The following LOXL2 variants were observed in gnomAD, a reference collection of about 807,000 sequenced individuals.
LOXL2 encodes the protein lysyl oxidase like 2.
Under a neutral mutation model 93.0 loss-of-function variants are expected in LOXL2, and 70 were observed. The ratio of observed to expected loss-of-function variants is 0.75; its 90% confidence interval spans 0.62 to 0.92. The LOEUF (loss-of-function observed/expected upper bound fraction) is 0.92. Ranked by LOEUF, LOXL2 falls within the 40% of genes least tolerant of loss-of-function variation. The pLI is 0.00. For missense variants in LOXL2, 973 were observed against 1,054.9 expected, an observed-to-expected ratio of 0.92 and a Z score of 1.08; for synonymous variants, 438 against 413.2, an observed-to-expected ratio of 1.06 and a Z score of -0.73.
intron 1 of LOXL2, chr8:23,385,904 C>A (rs550959360): frequency 2.6e-6 from 2 of 764,102 alleles, no homozygotes; most frequent in East Asian, 2.4e-5. Context: ...AAATCCAGCA[C>A]GTACTTTGCG....
chr8:23,333,317 C>A, intron 5 of LOXL2, 84 bp downstream of exon 5: 1 of 1,312,334 alleles, frequency 7.6e-7, no homozygotes, highest in Non-Finnish European at 1.1e-6. Context: ...CTTCCTCACT[C>A]TCCTGGGGGA....
At position 23,398,094 on chromosome 8, in the gene LOXL2, CTG is replaced by C. The variant is rs1800116749; in HGVS notation, c.-84+5858_-84+5859del. On this transcript the variant is annotated intron_variant, in intron 1 of 13. Transcript: ENST00000389131. ...CATGCAGGCACTCTGAAGAGCTATA[CTG>C]TGTTTACCTTGGTACCCCAGTGGTA... Among the ~76,000 whole-genome samples, 3 of 152,100 alleles carry C rather than the reference CTG, an allele frequency of 2.0e-5. No individual in the cohort carries two copies. In the South Asian group the frequency reaches 6.2e-4, roughly 32 times the overall value.
At chr8:23,312,458 AGTG>A (rs1438135197) in intron 9 of LOXL2, among the ~76,000 whole-genome samples, 2 of 134,562 alleles carry the variant, frequency 1.5e-5, no homozygotes, top group African/African-American at 2.9e-5. Flanking sequence ...ACCATGATCA[AGTG>A]GGCTTCATCC....
rs1479186476 is a variant in LOXL2, at chr8:23,368,240, G to C, written c.112C>G (p.Gln38Glu). The C allele has an allele frequency of 6.2e-7, 1 of 1,613,850 alleles. No individual in the cohort carries two copies. The highest frequency in any genetic ancestry group is 8.5e-7 in the Non-Finnish European group (1 of 1,180,036). The change falls in exon 2 of 14, where the codon CAG becomes GAG. Residue 38 changes from glutamine to glutamate, a missense_variant. Gln to Glu is a conservative substitution (Grantham distance 29, BLOSUM62 2). Transcript: ENST00000389131. Reference protein sequence around the residue: ...DSWPHYPEYFQQPAPEYHQPQ... With the variant: ...DSWPHYPEYFEQPAPEYHQPQ... ...TGGTGATACTCAGGAGCCGGTTGCT[G>C]GAAGTACTCGGGGTAATGGGGCCAG...
At chr8:23,299,171 A>G (rs1196404430) in intron 12 of LOXL2, among the ~76,000 whole-genome samples, 3 of 152,224 alleles carry the variant, frequency 2.0e-5, no homozygotes, top group Non-Finnish European at 4.4e-5. Flanking sequence ...CCCTCTGTCC[A>G]TATCCGTGTA....
At chr8:23,345,911 A>G (rs1042656768) in intron 3 of LOXL2, among the ~76,000 whole-genome samples, 1 of 151,668 alleles carries the variant, frequency 6.6e-6, no homozygotes. Context: ...TACTAAAAAT[A>G]CAAAAAATTA....
chr8:23,383,074 C>T (rs560237276), intron 1 of LOXL2, among the ~76,000 whole-genome samples: 2 of 152,202 alleles, frequency 1.3e-5, no homozygotes, highest in South Asian at 2.1e-4. Context: ...TAAACAAACT[C>T]GACCCTATAA....
At chr8:23,338,525 C>T (rs929116925) in intron 4 of LOXL2, among the ~76,000 whole-genome samples, 4 of 152,204 alleles carry the variant, frequency 2.6e-5, no homozygotes, top group African/African-American at 4.8e-5. Flanking sequence ...ACTAACTCCA[C>T]CCCAGACTGG....
Position 23,351,796 on chromosome 8 carries a change from T to C in LOXL2, c.531+8294A>G, listed in dbSNP as rs968355409. 5.3e-5 allele frequency among the ~76,000 whole-genome samples: 8 copies of C among 152,310 alleles called. No individual in the cohort carries two copies. In the East Asian group the frequency reaches 9.7e-4, roughly 18 times the overall value. On this transcript the variant is annotated intron_variant, in intron 3 of 13. Transcript: ENST00000389131. Reference sequence around the variant, plus strand: ...GTAGCTGGCAAGCCCTGGCTACATATAGACTCTTAGTAAATAGAATCGCGG... The same window carrying C: ...GTAGCTGGCAAGCCCTGGCTACATACAGACTCTTAGTAAATAGAATCGCGG...
At chr8:23,390,171 T>C (rs1804819249) in intron 1 of LOXL2, among the ~76,000 whole-genome samples, 1 of 152,194 alleles carries the variant, frequency 6.6e-6, no homozygotes, top group Non-Finnish European at 1.5e-5. Flanking sequence ...TCCTCATTCA[T>C]GGCCCAGAGC....
chr8:23,323,984 G>A (rs1234968220), intron 6 of LOXL2, among the ~76,000 whole-genome samples: 1 of 152,204 alleles, frequency 6.6e-6, no homozygotes, highest in African/African-American at 2.4e-5. Context: ...ACAGATGCAA[G>A]CCACCATGCC....
Position 23,368,385 on chromosome 8 carries a change from C to T in LOXL2, c.-34G>A. 1.3e-6 allele frequency: 2 copies of T among 1,576,562 alleles called. No individual in the cohort carries two copies. Among genetic ancestry groups the T allele is most frequent in the Non-Finnish European group, 1.7e-6 (2 of 1,153,538 alleles). The stretch of plus-strand genomic sequence containing the variant: ...TCGGGCTGATGATCCCACGAAGGGG[C>T]CCTGCGCAGCTGGGAGGGACAGGCG... On this transcript the variant is annotated 5_prime_UTR_variant, in exon 2 of 14. Coordinates refer to ENST00000389131, the MANE Select transcript of LOXL2 (RefSeq NM_002318.3).
rs1339164297 is a variant in LOXL2 at position 23,317,123 on chromosome 8, AC to A, written c.1471-10del. ...TGCCAATACCAGGTCTCCTGGAAGA[AC>A]CAACAAAACAAATGGTGGGTACATC... is the stretch of plus-strand genomic sequence containing the variant. On this transcript the variant is annotated splice_polypyrimidine_tract_variant and intron_variant, in intron 8 of 13. Transcript: ENST00000389131. The A allele has an allele frequency of 5.0e-6, 8 of 1,613,558 alleles. No individual in the cohort carries two copies. The highest frequency in any genetic ancestry group is 6.8e-6 in the Non-Finnish European group (8 of 1,179,834).
At position 23,398,225 on chromosome 8, in the gene LOXL2, T is replaced by A. The variant is rs553971663; in HGVS notation, c.-84+5729A>T. On this transcript the variant is annotated intron_variant, in intron 1 of 13. Coordinates refer to ENST00000389131, the MANE Select transcript of LOXL2 (RefSeq NM_002318.3). ...GTTGTTCACAAGTCATCACCATAAG[T>A]TATCTTGTCGTAAGTGTATGTTTTA... Among the ~76,000 whole-genome samples, 10 of 151,458 alleles carry A rather than the reference T, an allele frequency of 6.6e-5. No homozygotes were observed. The South Asian group carries it at 1.2e-3, about 19-fold the overall frequency.
chr8:23,340,147 C>T (rs1803858129), intron 4 of LOXL2, among the ~76,000 whole-genome samples: 1 of 152,188 alleles, frequency 6.6e-6, no homozygotes, highest in South Asian at 2.1e-4. Flanking sequence ...TGGATCTGCC[C>T]CTTCCTGGTT....
At chr8:23,330,051 T>C (rs1381404534) in intron 5 of LOXL2, among the ~76,000 whole-genome samples, 3 of 151,596 alleles carry the variant, frequency 2.0e-5, no homozygotes, top group Admixed American at 6.6e-5. Flanking sequence ...CAGGGCCAGG[T>C]GCGGTGGCTC....
In LOXL2 at chr8:23,394,348, G is replaced by A. The variant is rs556191437; in HGVS notation, c.-84+9606C>T. Among the ~76,000 whole-genome samples the A allele has an allele frequency of 2.4e-4, 35 of 148,048 alleles. No individual in the cohort carries two copies. In the East Asian group the frequency reaches 7.2e-3, roughly 30 times the overall value. ...GTGGAGGTTGCAATGAGCCGAGATC[G>A]TGCCACTGCACTATAGCCTAGGTGA... On this transcript the variant is annotated intron_variant, in intron 1 of 13. Coordinates refer to ENST00000389131, the MANE Select transcript of LOXL2 (RefSeq NM_002318.3).
At chr8:23,354,963 T>A (rs1464117673) in intron 3 of LOXL2, among the ~76,000 whole-genome samples, 4,274 of 101,804 alleles carry the variant, frequency 0.042, 181 homozygotes, top group Admixed American at 0.085. Context: ...TTTTTTTTTT[T>A]TTTTTTTTTT....
intron 6 of LOXL2, among the ~76,000 whole-genome samples, chr8:23,323,004 G>T (rs892197089): frequency 2.6e-5 from 4 of 152,312 alleles, no homozygotes; most frequent in Middle Eastern, 6.8e-3. Flanking sequence ...GAGGGCCCTC[G>T]ACTCTGCCGG....
Sources: gnomAD v4.1 joint callset for allele counts (sites outside exome capture counted in the v4.1 genomes callset) on GRCh38, gnomAD v4.1.1 for gene constraint, MANE v1.5 for transcripts, NCBI Gene and HGNC (gene_info 2026-07-23, HGNC 2026-07-21) for gene names.